CD163L1: variants seen among roughly 807,000 people sequenced by gnomAD.
The protein encoded by CD163L1 is CD163 molecule like 1.
CD163L1 carries 124 observed loss-of-function variants against 165.4 expected under a neutral mutation model. That is an observed-to-expected ratio of 0.75 (90% CI 0.65 to 0.87). The LOEUF (loss-of-function observed/expected upper bound fraction) is 0.87. CD163L1 is among the 40% of genes least tolerant of loss of function. The pLI, the probability that CD163L1 is intolerant of heterozygous loss-of-function variation, is 0.00. For synonymous variants in CD163L1, 585 were observed against 662.2 expected (o/e 0.88, Z 1.79); for missense variants, 1,525 against 1,799.9 (o/e 0.85, Z 2.76).
rs6488268 is a variant in CD163L1, at chr12:7,398,426, A to T, written c.1567T>A (p.Leu523Met). Residue 523 changes from leucine (L) to methionine (M), a missense_variant, in exon 7 of 20, where the codon TTG (leucine) becomes ATG (methionine). Leu to Met is a conservative substitution (Grantham distance 15, BLOSUM62 2). Transcript: ENST00000313599. This position sits in a 1 kb window ranked among gnomAD's most constrained non-coding sequence, Gnocchi z 4.5. ...VCKQLGCGKP[L>M]HVFGMTYFKE... ...AAATAGGTCATACCAAACACATGCA[A>T]AGGCTTTCCACATCCCAATTGTTTA... 1,612,149 of 1,614,174 alleles carry T rather than the reference A, an allele frequency of 1. 805,083 individuals carry two copies. The highest frequency in any genetic ancestry group is 1 in the Non-Finnish European group (1,180,022 of 1,180,032).
At chr12:7,413,326 G>A (rs1565804437) in intron 4 of CD163L1, among the ~76,000 whole-genome samples, 1 of 152,004 alleles carries the variant, frequency 6.6e-6, no homozygotes, top group Non-Finnish European at 1.5e-5. Flanking sequence ...TTCCCAAGAG[G>A]CCCATTTCTG....
intron 14 of CD163L1, 43 bp downstream of exon 14, chr12:7,373,277 T>C: frequency 6.6e-7 from 1 of 1,512,034 alleles, no homozygotes; most frequent in Non-Finnish European, 9.0e-7. Flanking sequence ...AAGTTATATT[T>C]CACAGGGCTT....
chr12:7,381,847 G>T (rs934861507), intron 8 of CD163L1, among the ~76,000 whole-genome samples: 1 of 151,812 alleles, frequency 6.6e-6, no homozygotes, highest in African/African-American at 2.4e-5. Context: ...TCACTGCTTT[G>T]TAGCAACATA....
At chr12:7,439,219 T>G in intron 2 of CD163L1, 1 of 1,578,808 alleles carries the variant, frequency 6.3e-7, no homozygotes. Flanking sequence ...CCACCTGGGA[T>G]TCGACAAATT....
rs1789775133 is a variant in CD163L1, at chr12:7,373,562, G to C, written c.3488C>G (p.Thr1163Ser). Residue 1163 changes from threonine to serine, a missense_variant, in exon 14 of 20, where the codon ACC (threonine) becomes AGC (serine). Coordinates refer to ENST00000313599, the MANE Select transcript of CD163L1 (RefSeq NM_174941.6). ...AGRLEVFYNG[T>S]WGSVGRRNIT... is the part of the protein sequence containing the mutation. ...GTTCCTCCTGCCGACGCTGCCCCAGGTCCCGTTATAGAAGACTTCCAATCT... is the reference window on the plus strand; with the variant it reads ...GTTCCTCCTGCCGACGCTGCCCCAGCTCCCGTTATAGAAGACTTCCAATCT... 6.2e-7 allele frequency: 1 copy of C among 1,614,158 alleles called. No homozygotes were observed.
At chr12:7,392,280 C>T (rs1396834708) in intron 8 of CD163L1, among the ~76,000 whole-genome samples, 1 of 152,150 alleles carries the variant, frequency 6.6e-6, no homozygotes, top group Admixed American at 6.5e-5. Context: ...TCACACAAAA[C>T]CACACAACTA....
At chr12:7,385,419 T>G (rs1947496341) in intron 8 of CD163L1, among the ~76,000 whole-genome samples, 1 of 152,134 alleles carries the variant, frequency 6.6e-6, no homozygotes, top group South Asian at 2.1e-4. Context: ...TAGTTGGCAC[T>G]TCAACTATTC....
intron 4 of CD163L1, among the ~76,000 whole-genome samples, chr12:7,421,678 TATGTACATATAC>T (rs1311678336): frequency 7.2e-6 from 1 of 139,528 alleles, no homozygotes; most frequent in Non-Finnish European, 1.5e-5. Context: ...TATACGTGCA[TATGTACATATAC>T]ATATATGTAT....
rs1349550820 is a variant in CD163L1, at chr12:7,372,914, A to T, written c.3730+406T>A. Among the ~76,000 whole-genome samples the T allele has an allele frequency of 2.6e-5, 4 of 152,154 alleles. No homozygotes were observed. Among genetic ancestry groups the T allele is most frequent in the African/African-American group, 9.6e-5 (4 of 41,458 alleles). Reference sequence around the variant, plus strand: ...TAATCAACTAACTTCCCATAGTAAAATGTTCTGCAGGAAAAAATAGAGCTG... The same window carrying T: ...TAATCAACTAACTTCCCATAGTAAATTGTTCTGCAGGAAAAAATAGAGCTG... On this transcript the variant is annotated intron_variant, in intron 14 of 19. Coordinates refer to ENST00000313599, the MANE Select transcript of CD163L1 (RefSeq NM_174941.6). This position sits in a 1 kb window ranked among gnomAD's most constrained non-coding sequence, Gnocchi z 4.2.
At chr12:7,391,266 C>T (rs1274913237) in intron 8 of CD163L1, among the ~76,000 whole-genome samples, 1 of 152,096 alleles carries the variant, frequency 6.6e-6, no homozygotes, top group East Asian at 1.9e-4. Context: ...TGGGGAGAAA[C>T]CAGAGCAGCA....
At chr12:7,397,486 A>C (rs1213894076) in intron 7 of CD163L1, among the ~76,000 whole-genome samples, 1 of 152,188 alleles carries the variant, frequency 6.6e-6, no homozygotes, top group Non-Finnish European at 1.5e-5. Flanking sequence ...GAATTCTGAA[A>C]ATTAGGATGG....
At chr12:7,334,423 C>T in the CD163L1 span, among the ~76,000 whole-genome samples, 4 of 151,346 alleles carry the variant, frequency 2.6e-5, no homozygotes, top group Admixed American at 6.6e-5. Context: ...AGAAAAGGCC[C>T]TTGACAAAAT....
At chr12:7,394,638 T>C (rs376585382) in intron 8 of CD163L1, among the ~76,000 whole-genome samples, 1 of 152,004 alleles carries the variant, frequency 6.6e-6, no homozygotes, top group Non-Finnish European at 1.5e-5. Flanking sequence ...AAAGAAACTA[T>C]CATCAGAGTC....
intron 8 of CD163L1, among the ~76,000 whole-genome samples, chr12:7,393,321 C>A (rs1947699230): frequency 1.3e-5 from 2 of 152,122 alleles, no homozygotes; most frequent in African/African-American, 4.8e-5. Context: ...ATGACAAAAA[C>A]CACATGATTA....
At chr12:7,381,698 G>A (rs920948840) in intron 8 of CD163L1, among the ~76,000 whole-genome samples, 1 of 152,046 alleles carries the variant, frequency 6.6e-6, no homozygotes, top group Non-Finnish European at 1.5e-5. Flanking sequence ...TGTGTGTGGT[G>A]GTGGGGAGGG....
rs1188647907 is a variant in CD163L1, at chr12:7,406,809, G to A, written c.810C>T (p.Arg270=). ...LELRLVGGTN[R]CMGRVELKIQ... is the part of the protein sequence containing the mutation. ...TTTTCAGCTCTACTCTCCCCATACA[G>A]CGGTTAGTTCCACCTACAAGCCTTA... is the stretch of plus-strand genomic sequence containing the variant. The change falls in exon 5 of 20, where the codon CGC becomes CGT. Residue 270 remains arginine (R), a synonymous_variant. Transcript: ENST00000313599. 5.6e-6 allele frequency: 9 copies of A among 1,614,010 alleles called. No homozygotes were observed. Among genetic ancestry groups the A allele is most frequent in the Non-Finnish European group, 7.6e-6 (9 of 1,179,974 alleles).
intron 5 of CD163L1, 147 bp downstream of exon 5, chr12:7,406,385 A>G: frequency 2.8e-6 from 2 of 705,682 alleles, no homozygotes; most frequent in Non-Finnish European, 4.7e-6. Context: ...GGAAACATTG[A>G]AAGTGTCAAT....
At chr12:7,404,079 T>C (rs1374438120) in intron 5 of CD163L1, among the ~76,000 whole-genome samples, 2 of 152,122 alleles carry the variant, frequency 1.3e-5, no homozygotes, top group Admixed American at 1.3e-4. Context: ...GACTTGTCAG[T>C]CTTTATGAAA....
At chr12:7,340,143 G>A in the CD163L1 span, among the ~76,000 whole-genome samples, 1 of 152,100 alleles carries the variant, frequency 6.6e-6, no homozygotes, top group African/African-American at 2.4e-5. Flanking sequence ...GCCCACTGCT[G>A]CACAACTTTT....
Sources: allele counts gnomAD v4.1 joint callset (sites outside exome capture counted in the v4.1 genomes callset), GRCh38; gene constraint gnomAD v4.1.1; non-coding constraint Gnocchi (gnomAD v3.1); transcripts MANE v1.5; gene names NCBI Gene and HGNC (gene_info 2026-07-23, HGNC 2026-07-21).